CIB4: variants seen among roughly 807,000 people sequenced by gnomAD.
The protein encoded by CIB4 is calcium and integrin-binding family member 4.
CIB4 carries 25 observed loss-of-function variants against 25.8 expected under a neutral mutation model. The observed-to-expected ratio is 0.97, with a 90% CI of 0.71 to 1.35. CIB4 has a LOEUF of 1.35. Among genes scored for constraint, CIB4 ranks in the 40% most tolerant of loss-of-function variants. The pLI is 0.00. For synonymous variants in CIB4, 75 were observed against 81.4 expected (o/e 0.92, Z 0.42); for missense variants, 235 against 228.2 (o/e 1.03, Z -0.19).
intron 3 of CIB4, among the ~76,000 whole-genome samples, chr2:26,617,285 G>C (rs1284058857): frequency 7.2e-5 from 11 of 152,116 alleles, no homozygotes; most frequent in Non-Finnish European, 1.2e-4. Context: ...GCTCAGGGAG[G>C]GTTGGCTAAA....
At chr2:26,583,732 G>T in intron 5 of CIB4, 57 bp downstream of exon 5, 1 of 1,190,136 alleles carries the variant, frequency 8.4e-7, no homozygotes, top group South Asian at 1.2e-5. Flanking sequence ...GGCTTTGGGT[G>T]ACAACCTGGC....
At chr2:26,583,966 T>G (rs1402188338) in intron 4 of CIB4, 68 bp from the exon 5 acceptor site, 39 of 1,019,322 alleles carry the variant, frequency 3.8e-5, no homozygotes, top group Non-Finnish European at 5.9e-5. Context: ...ACTTGAGGAG[T>G]CCTGGGGGAC....
chr2:26,638,678 T>G (rs1669578494), intron 2 of CIB4, among the ~76,000 whole-genome samples: 1 of 152,126 alleles, frequency 6.6e-6, no homozygotes, highest in African/African-American at 2.4e-5. Context: ...GTAGGCCGGG[T>G]GCAGTGGCTC....
chr2:26,604,375 G>A (rs975940183), intron 3 of CIB4, among the ~76,000 whole-genome samples: 1 of 151,988 alleles, frequency 6.6e-6, no homozygotes, highest in Non-Finnish European at 1.5e-5. Context: ...GCAAGACCCT[G>A]TTTAAAAAAT....
rs1035621370 is a variant in CIB4, at chr2:26,583,697, C to T, written c.438+92G>A. The T allele has an allele frequency of 3.4e-5, 28 of 833,822 alleles. No homozygotes were observed. In the African/African-American group the frequency reaches 4.3e-4, roughly 13 times the overall value. The allele number at this position is 833,822 out of a possible 1,614,324, so 51.7% of individuals were successfully genotyped here. A position where few individuals can be genotyped will look rare whatever the true frequency, so the allele number is the denominator to read the frequency against. On this transcript the variant is annotated intron_variant, in intron 5 of 6. Coordinates refer to ENST00000288861, the MANE Select transcript of CIB4 (RefSeq NM_001029881.3). ...CCTCAGGCTGGCCCTGGGTCTCCTC[C>T]CAAGAGGGTGGCCTGACATCCGGGG...
intron 3 of CIB4, among the ~76,000 whole-genome samples, chr2:26,619,292 G>A (rs933628056): frequency 1.3e-5 from 2 of 152,148 alleles, no homozygotes; most frequent in Admixed American, 6.5e-5. Context: ...GCTGCTGGGC[G>A]TCCCAGCGTG....
intron 2 of CIB4, among the ~76,000 whole-genome samples, chr2:26,629,985 G>C (rs951118585): frequency 2.0e-5 from 3 of 152,186 alleles, no homozygotes; most frequent in African/African-American, 7.2e-5. Context: ...AGTGAGCCGG[G>C]ATTAGAGCCC....
intron 3 of CIB4, among the ~76,000 whole-genome samples, chr2:26,624,700 T>G (rs759823479): frequency 1.7e-5 from 2 of 119,446 alleles, no homozygotes; most frequent in African/African-American, 6.4e-5. Context: ...TGTTTTTGAA[T>G]AAAAAGTCTG....
In CIB4 at chr2:26,583,795, C is replaced by T. The variant is rs370261225; in HGVS notation, c.432G>A (p.Thr144=). ...CCCAGCCCCCAGCACACACGTGGTT[C>T]GTGAGGTCCATCAGGAGGTCCTCAG... ...DMSEDLLMDL[T]NHVLSESDLD... The change falls in exon 5 of 7, where the codon ACG becomes ACA. Residue 144 remains threonine, a synonymous_variant. Transcript: ENST00000288861. 6.6e-5 allele frequency: 106 copies of T among 1,602,092 alleles called. 1 individual carries two copies. The highest frequency in any genetic ancestry group is 2.2e-4 in the Admixed American group (13 of 59,984).
At chr2:26,589,321 CCTTCTT>C (rs1356967819) in intron 4 of CIB4, among the ~76,000 whole-genome samples, 2 of 150,428 alleles carry the variant, frequency 1.3e-5, no homozygotes, top group Non-Finnish European at 3.0e-5. Flanking sequence ...TCCTCCTTCT[CCTTCTT>C]CTTCTATTTT....
At chr2:26,622,707 G>T (rs995537676) in intron 3 of CIB4, among the ~76,000 whole-genome samples, 2 of 152,170 alleles carry the variant, frequency 1.3e-5, no homozygotes, top group Non-Finnish European at 2.9e-5. Context: ...AAAAGGCCAG[G>T]TGAGGTGGCT....
chr2:26,622,316 G>A (rs1366529202), intron 3 of CIB4, among the ~76,000 whole-genome samples: 10 of 152,176 alleles, frequency 6.6e-5, no homozygotes, highest in African/African-American at 7.2e-5. Context: ...AGCCGAGATC[G>A]CATCACTGTA....
chr2:26,595,360 G>C (rs753391006), intron 3 of CIB4, 43 bp from the exon 4 acceptor site: 3 of 1,592,682 alleles, frequency 1.9e-6, no homozygotes, highest in Non-Finnish European at 2.6e-6. Context: ...TATCAGGGTC[G>C]GGGCTGTGTC....
chr2:26,623,260 T>C (rs1181721488), intron 3 of CIB4, among the ~76,000 whole-genome samples: 1 of 152,052 alleles, frequency 6.6e-6, no homozygotes, highest in East Asian at 1.9e-4. Context: ...GGAGGATCGC[T>C]TTAGCCCCAG....
intron 1 of CIB4, 127 bp downstream of exon 1, chr2:26,641,134 A>C: frequency 1.3e-6 from 1 of 762,210 alleles, no homozygotes; most frequent in East Asian, 2.4e-5. Flanking sequence ...TTCTTCTTCC[A>C]ATGTGGCCCA....
intron 3 of CIB4, among the ~76,000 whole-genome samples, chr2:26,603,383 T>C (rs1668830858): frequency 6.6e-6 from 1 of 152,160 alleles, no homozygotes; most frequent in Admixed American, 6.5e-5. Context: ...TTCTTAGTTT[T>C]GAAAAATAAA....
chr2:26,602,430 AGAG>A (rs1185515214), intron 3 of CIB4, among the ~76,000 whole-genome samples: 1 of 152,244 alleles, frequency 6.6e-6, no homozygotes, highest in East Asian at 1.9e-4. Context: ...AAGTATACAA[AGAG>A]TGAACAAATA....
intron 6 of CIB4, 133 bp from the exon 7 acceptor site, chr2:26,581,526 T>C (rs1259784681): frequency 3.5e-6 from 3 of 849,546 alleles, no homozygotes; most frequent in Non-Finnish European, 5.8e-6. Context: ...TGACGGCCAC[T>C]TTGCAGCCAT....
chr2:26,614,688 A>G (rs1033008480), intron 3 of CIB4, among the ~76,000 whole-genome samples: 2 of 152,124 alleles, frequency 1.3e-5, no homozygotes, highest in African/African-American at 4.8e-5. Flanking sequence ...CTTGACTCAC[A>G]TGCACCCCTC....
Sources: allele counts gnomAD v4.1 joint callset (sites outside exome capture counted in the v4.1 genomes callset), GRCh38; gene constraint gnomAD v4.1.1; transcripts MANE v1.5; gene names NCBI Gene and HGNC (gene_info 2026-07-23, HGNC 2026-07-21).